Variants in DSCAM observed in about 807,000 individuals in gnomAD.
DSCAM encodes the protein DS cell adhesion molecule.
Under a neutral mutation model 217.7 loss-of-function variants are expected in DSCAM, and 47 were observed. The ratio of observed to expected loss-of-function variants is 0.22; its 90% CI spans 0.17 to 0.28. The LOEUF (loss-of-function observed/expected upper bound fraction) is 0.28, where lower values mean the gene tolerates loss of function less well. Among genes scored for constraint, DSCAM ranks in the 10% least tolerant of loss-of-function variants. The pLI is 1.00. For synonymous variants in DSCAM, 1,056 were observed against 1,015.3 expected (o/e 1.04, Z -0.76); for missense variants, 2,080 against 2,618.3 (o/e 0.79, Z 4.49).
intron 16 of DSCAM, among the ~76,000 whole-genome samples, chr21:40,163,284 T>C (rs1201318834): frequency 2.0e-5 from 3 of 152,186 alleles, no homozygotes; most frequent in Non-Finnish European, 2.9e-5. Context: ...AGTTGTACAA[T>C]GTTCAGGTAC....
At chr21:40,023,337 A>C (rs1000805833) in intron 32 of DSCAM, among the ~76,000 whole-genome samples, 3 of 152,140 alleles carry the variant, frequency 2.0e-5, no homozygotes, top group East Asian at 1.9e-4. Context: ...ATACGTGTGC[A>C]TATGTCTTTA....
chr21:40,533,894 G>A (rs2076475102), intron 3 of DSCAM, among the ~76,000 whole-genome samples: 1 of 152,154 alleles, frequency 6.6e-6, no homozygotes, highest in Non-Finnish European at 1.5e-5. Context: ...TTCTTCAAGT[G>A]GTTTCCCTGA....
At chr21:40,457,323 G>C (rs1359831397) in intron 3 of DSCAM, among the ~76,000 whole-genome samples, 1 of 152,010 alleles carries the variant, frequency 6.6e-6, no homozygotes, top group Non-Finnish European at 1.5e-5. Context: ...ACCAGCCTGG[G>C]CAGTATGGTG....
Position 40,468,077 on chromosome 21 carries a change from G to C in DSCAM, c.509-98832C>G, listed in dbSNP as rs201017207. Reference sequence around the variant, plus strand: ...ATTGATAGCTTATCTTCACAGGTGCGGGACGAAGGACAGAACTCAGTCATT... The same window carrying C: ...ATTGATAGCTTATCTTCACAGGTGCCGGACGAAGGACAGAACTCAGTCATT... On this transcript the variant is annotated intron_variant, in intron 3 of 32. Coordinates refer to ENST00000400454, the MANE Select transcript of DSCAM (RefSeq NM_001389.5). 3.3e-5 allele frequency among the ~76,000 whole-genome samples: 5 copies of C among 152,136 alleles called. No homozygotes were observed. In the East Asian group the frequency reaches 9.6e-4, roughly 29 times the overall value.
At chr21:40,498,687 A>ACC (rs2076141726) in intron 3 of DSCAM, among the ~76,000 whole-genome samples, 1 of 7,354 alleles carries the variant, frequency 1.4e-4, no homozygotes, top group Admixed American at 1.3e-3. Flanking sequence ...ATATATATAT[A>ACC]TATATATATA....
intron 3 of DSCAM, among the ~76,000 whole-genome samples, chr21:40,542,320 A>T (rs2076548712): frequency 6.6e-6 from 1 of 152,246 alleles, no homozygotes; most frequent in East Asian, 1.9e-4. Flanking sequence ...CACAAGAAAC[A>T]CATTTGGATG....
At chr21:40,164,422 C>T (rs1055116338) in intron 16 of DSCAM, among the ~76,000 whole-genome samples, 2 of 152,146 alleles carry the variant, frequency 1.3e-5, no homozygotes, top group Admixed American at 6.5e-5. Flanking sequence ...AGGATGGCTG[C>T]ATTCACTAGG....
chr21:40,844,259 T>C (rs1202396001), intron 1 of DSCAM, among the ~76,000 whole-genome samples: 1 of 152,250 alleles, frequency 6.6e-6, no homozygotes, highest in Admixed American at 6.5e-5. Flanking sequence ...ATATATTTTA[T>C]GATCCTTTCC....
chr21:40,705,604 G>T (rs565920429), intron 2 of DSCAM, among the ~76,000 whole-genome samples: 1 of 152,124 alleles, frequency 6.6e-6, no homozygotes, highest in Non-Finnish European at 1.5e-5. Context: ...TGCAAGCAAC[G>T]GAAGTGCCAG....
At chr21:40,495,498 A>G (rs966399552) in intron 3 of DSCAM, among the ~76,000 whole-genome samples, 2 of 152,204 alleles carry the variant, frequency 1.3e-5, no homozygotes, top group African/African-American at 4.8e-5. Context: ...TCATGATAAA[A>G]TTCTCAACAA....
intron 3 of DSCAM, among the ~76,000 whole-genome samples, chr21:40,508,409 T>C (rs1489559575): frequency 6.6e-6 from 1 of 152,160 alleles, no homozygotes; most frequent in Non-Finnish European, 1.5e-5. Context: ...TTTTGGATTA[T>C]TAGAATAACT....
intron 30 of DSCAM, among the ~76,000 whole-genome samples, chr21:40,048,043 T>G (rs1418664512): frequency 1.3e-5 from 2 of 152,202 alleles, no homozygotes; most frequent in Non-Finnish European, 2.9e-5. Context: ...GGAATTAGGC[T>G]GCCTGGGCTG....
rs186523471 is a variant in DSCAM, at chr21:40,258,717, C to T, written c.2356+17380G>A. Reference sequence around the variant, plus strand: ...AAGCATTAGGTCATAGCCTGTTCCTCTTCCTTATTTGAAGGTGTTTCTACC... The same window carrying T: ...AAGCATTAGGTCATAGCCTGTTCCTTTTCCTTATTTGAAGGTGTTTCTACC... On this transcript the variant is annotated intron_variant, in intron 11 of 32. Coordinates refer to ENST00000400454, the MANE Select transcript of DSCAM (RefSeq NM_001389.5). Among the ~76,000 whole-genome samples, 599 of 152,378 alleles carry T rather than the reference C, an allele frequency of 3.9e-3. 3 individuals carry two copies. The highest frequency in any genetic ancestry group is 5.5e-3 in the Non-Finnish European group (372 of 68,024).
intron 11 of DSCAM, among the ~76,000 whole-genome samples, chr21:40,245,784 A>G (rs2073216035): frequency 1.3e-5 from 2 of 152,176 alleles, no homozygotes; most frequent in South Asian, 4.1e-4. Context: ...GAAACTGGAC[A>G]AATCAATGAC....
rs577827734 is a variant in DSCAM, at chr21:40,708,630, G to C, written c.185C>G (p.Thr62Arg). Reference sequence around the variant, plus strand: ...GGGGACATCGTAGATCTCCTCGCCCGTGGCTAGGTACCATCTGAGAGTCAC... The same window carrying C: ...GGGGACATCGTAGATCTCCTCGCCCCTGGCTAGGTACCATCTGAGAGTCAC... ...PPVTLRWYLA[T>R]GEEIYDVPGI... The change falls in exon 2 of 33, where the codon ACG (threonine) becomes AGG (arginine). Residue 62 changes from threonine (T) to arginine (R), a missense_variant. Physicochemically the swap from Thr to Arg is moderately conservative, Grantham distance 71. Around this residue, in one of 5 missense-constraint regions of DSCAM, gnomAD observed 568 missense variants for 678.1 expected, o/e 0.84. Coordinates refer to ENST00000400454, the MANE Select transcript of DSCAM (RefSeq NM_001389.5). 4 of 1,613,086 alleles carry C rather than the reference G, an allele frequency of 2.5e-6. No homozygotes were observed. The South Asian group carries it at 4.4e-5, about 18-fold the overall frequency.
intron 3 of DSCAM, among the ~76,000 whole-genome samples, chr21:40,393,690 GCTT>G (rs911605394): frequency 2.6e-5 from 4 of 152,112 alleles, no homozygotes; most frequent in African/African-American, 7.2e-5. Context: ...ATCCGTCTAT[GCTT>G]TTTTCTACAT....
intron 15 of DSCAM, among the ~76,000 whole-genome samples, chr21:40,177,658 A>G (rs2090748157): frequency 6.6e-6 from 1 of 152,234 alleles, no homozygotes; most frequent in Non-Finnish European, 1.5e-5. Flanking sequence ...CAGGATGTTC[A>G]TTGTAGTGGT....
chr21:40,030,540 G>A (rs950440359), intron 32 of DSCAM, among the ~76,000 whole-genome samples: 3 of 152,140 alleles, frequency 2.0e-5, no homozygotes, highest in Non-Finnish European at 2.9e-5. Context: ...CCAGGAGATA[G>A]GAATGAGCTT....
At chr21:40,161,926 T>A (rs762780337) in intron 16 of DSCAM, among the ~76,000 whole-genome samples, 22 of 152,314 alleles carry the variant, frequency 1.4e-4, no homozygotes, top group African/African-American at 5.1e-4. Flanking sequence ...GTCTACTCAC[T>A]ATGAAAGTTA....
Sources: allele counts gnomAD v4.1 joint callset (sites outside exome capture counted in the v4.1 genomes callset), GRCh38; gene constraint gnomAD v4.1.1; regional missense constraint gnomAD v4.1.1; transcripts MANE v1.5; gene names NCBI Gene and HGNC (gene_info 2026-07-23, HGNC 2026-07-21).